Variants in CAMTA1 observed in about 807,000 individuals in gnomAD.
CAMTA1 encodes the protein calmodulin-binding transcription activator 1.
Under a neutral mutation model 170.9 loss-of-function variants are expected in CAMTA1, and 27 were observed. The observed-to-expected ratio is 0.16, with a 90% confidence interval of 0.12 to 0.22. CAMTA1 has a LOEUF of 0.22. Ranked by LOEUF, CAMTA1 falls within the 10% of genes least tolerant of loss-of-function variation. The pLI is 1.00. For missense variants in CAMTA1, 1,619 were observed against 2,217.2 expected (o/e 0.73, Z 5.42); for synonymous variants, 833 against 891.5 (o/e 0.93, Z 1.17).
At chr1:7,567,945 A>C (rs2095063319) in intron 6 of CAMTA1, among the ~76,000 whole-genome samples, 1 of 152,208 alleles carries the variant, frequency 6.6e-6, no homozygotes, top group South Asian at 2.1e-4. Flanking sequence ...TAAAGTGAGG[A>C]TAATACTATC....
intron 6 of CAMTA1, among the ~76,000 whole-genome samples, chr1:7,493,383 A>G (rs922540358): frequency 5.2e-5 from 1 of 19,094 alleles, no homozygotes; most frequent in African/African-American, 6.4e-4. Flanking sequence ...GCACACACAA[A>G]CAAACACGTG....
chr1:7,380,394 G>A (rs1447145785), intron 5 of CAMTA1, among the ~76,000 whole-genome samples: 1 of 152,096 alleles, frequency 6.6e-6, no homozygotes, highest in Non-Finnish European at 1.5e-5. Flanking sequence ...GACCAACATG[G>A]AGAAACCCCG....
intron 4 of CAMTA1, among the ~76,000 whole-genome samples, chr1:7,180,237 C>T (rs1276124312): frequency 2.6e-5 from 4 of 151,962 alleles, no homozygotes; most frequent in African/African-American, 4.8e-5. Context: ...CATGGTGTCA[C>T]GTTCCTGTAA....
At chr1:6,899,546 G>A (rs1450633351) in intron 3 of CAMTA1, among the ~76,000 whole-genome samples, 17 of 99,398 alleles carry the variant, frequency 1.7e-4, no homozygotes, top group Admixed American at 5.2e-4. Context: ...TAACGCGCAC[G>A]CGCGCGCGCA....
intron 5 of CAMTA1, among the ~76,000 whole-genome samples, chr1:7,385,137 T>C (rs1280147418): frequency 6.7e-6 from 1 of 148,710 alleles, no homozygotes; most frequent in Non-Finnish European, 1.5e-5. Flanking sequence ...TCACCCAGGC[T>C]AGAGTGCAGT....
chr1:7,631,928 C>T (rs1053333321), intron 6 of CAMTA1, among the ~76,000 whole-genome samples: 7 of 152,202 alleles, frequency 4.6e-5, no homozygotes, highest in African/African-American at 1.4e-4. Flanking sequence ...GGCCCAGCTA[C>T]CTGGGGCAGC....
chr1:6,896,738 G>A (rs763687176), intron 3 of CAMTA1, among the ~76,000 whole-genome samples: 3 of 152,102 alleles, frequency 2.0e-5, no homozygotes, highest in African/African-American at 7.2e-5. Context: ...AAAGAATCAC[G>A]TTTCCAACTC....
At chr1:7,156,047 G>A (rs1646861729) in intron 4 of CAMTA1, among the ~76,000 whole-genome samples, 2 of 151,958 alleles carry the variant, frequency 1.3e-5, no homozygotes, top group Admixed American at 6.6e-5. Context: ...GAGGTCAGGA[G>A]TTTGAGACCA....
intron 5 of CAMTA1, among the ~76,000 whole-genome samples, chr1:7,344,972 C>A (rs1210532504): frequency 6.6e-6 from 1 of 152,022 alleles, no homozygotes; most frequent in African/African-American, 2.4e-5. Flanking sequence ...AGGATGGTCT[C>A]CATCTCCTGA....
chr1:7,302,502 C>T (rs1434596321), intron 5 of CAMTA1, among the ~76,000 whole-genome samples: 2 of 152,208 alleles, frequency 1.3e-5, no homozygotes, highest in Non-Finnish European at 2.9e-5. Context: ...CATTAACCAA[C>T]CACTAGTTGT....
chr1:7,036,926 G>A lies in CAMTA1; in HGVS notation c.235-54378G>A, dbSNP rs551084787. Among the ~76,000 whole-genome samples, 158 of 152,326 alleles carry A rather than the reference G, an allele frequency of 1.0e-3. No homozygotes were observed. The South Asian group carries it at 0.011, about 11-fold the overall frequency. Reference sequence around the variant, plus strand: ...CTTTCTTGTCTTCGGGGTTAATTGCGTGGAGGCTGTGTTTCAGTGAGGCCT... The same window carrying A: ...CTTTCTTGTCTTCGGGGTTAATTGCATGGAGGCTGTGTTTCAGTGAGGCCT... On this transcript the variant is annotated intron_variant, in intron 3 of 22. Transcript: ENST00000303635.
At chr1:6,911,193 G>A (rs1322888292) in intron 3 of CAMTA1, among the ~76,000 whole-genome samples, 2 of 152,212 alleles carry the variant, frequency 1.3e-5, no homozygotes, top group Admixed American at 1.3e-4. Flanking sequence ...CTTGAACGTG[G>A]TGAGGACGTT....
rs184602707 is a variant in CAMTA1 at position 7,140,346 on chromosome 1, G to A, written c.302+48975G>A. ...AACTTTTTTTTCCCCTGAGAAAGTG[G>A]TACTTTAATTTGCACATAACATTAA... On this transcript the variant is annotated intron_variant, in intron 4 of 22. Coordinates refer to ENST00000303635, the MANE Select transcript of CAMTA1 (RefSeq NM_015215.4). 2.2e-3 allele frequency among the ~76,000 whole-genome samples: 333 copies of A among 152,280 alleles called. 1 individual carries two copies. The Middle Eastern group carries it at 0.027, about 13-fold the overall frequency.
chr1:6,939,176 G>A (rs761612586), intron 3 of CAMTA1, among the ~76,000 whole-genome samples: 21 of 152,324 alleles, frequency 1.4e-4, no homozygotes, highest in Admixed American at 8.5e-4. Context: ...GGCGTGGAGC[G>A]TCAGAGGTCA....
chr1:6,822,622 C>T (rs1646621216), intron 2 of CAMTA1, among the ~76,000 whole-genome samples: 1 of 152,068 alleles, frequency 6.6e-6, no homozygotes, highest in Non-Finnish European at 1.5e-5. Flanking sequence ...ACTCTGTGGC[C>T]ACACCTCCGT....
At chr1:7,705,137 C>T (rs1046633697) in intron 11 of CAMTA1, among the ~76,000 whole-genome samples, 2 of 149,108 alleles carry the variant, frequency 1.3e-5, no homozygotes, top group Non-Finnish European at 3.0e-5. Flanking sequence ...GCGCGCGTTT[C>T]TGGCGCGAGT....
intron 4 of CAMTA1, among the ~76,000 whole-genome samples, chr1:7,129,813 T>C (rs1645141943): frequency 1.3e-5 from 2 of 152,182 alleles, no homozygotes; most frequent in African/African-American, 4.8e-5. Flanking sequence ...CTCCCATCTC[T>C]AGACAACCAC....
chr1:7,658,415 A>G (rs2095924570), intron 7 of CAMTA1, among the ~76,000 whole-genome samples: 1 of 152,262 alleles, frequency 6.6e-6, no homozygotes, highest in Middle Eastern at 3.4e-3. Flanking sequence ...GCTCTAAAAA[A>G]AATACCTGGC....
intron 3 of CAMTA1, among the ~76,000 whole-genome samples, chr1:7,066,554 CCT>C (rs1312599298): frequency 3.3e-5 from 5 of 152,326 alleles, no homozygotes; most frequent in East Asian, 3.9e-4. Context: ...AAATGCTTCC[CCT>C]CTTTCCCATG....
Sources: gnomAD v4.1 joint callset for allele counts (sites outside exome capture counted in the v4.1 genomes callset) on GRCh38, gnomAD v4.1.1 for gene constraint, MANE v1.5 for transcripts, NCBI Gene and HGNC (gene_info 2026-07-23, HGNC 2026-07-21) for gene names.